GRIK2: variants seen among roughly 807,000 people sequenced by gnomAD.
The protein encoded by GRIK2 is glutamate ionotropic receptor kainate type subunit 2.
A neutral mutation model predicts 100.3 loss-of-function variants in GRIK2; 32 were observed. The ratio of observed to expected loss-of-function variants is 0.32; its 90% CI spans 0.24 to 0.43. The LOEUF (loss-of-function observed/expected upper bound fraction) is 0.43. Ranked by LOEUF, GRIK2 falls within the 20% of genes least tolerant of loss-of-function variation. The pLI is 1.00. For synonymous variants in GRIK2, 417 were observed against 389.4 expected (o/e 1.07, Z -0.83); for missense variants, 843 against 1,114.9 (o/e 0.76, Z 3.47).
intron 14 of GRIK2, among the ~76,000 whole-genome samples, chr6:102,016,444 T>TA (rs1157614284): frequency 3.3e-5 from 5 of 151,440 alleles, no homozygotes; most frequent in Admixed American, 6.6e-5. Context: ...AAAAGAATTT[T>TA]AAAAAAAGAA....
chr6:101,492,679 A>G (rs1773194411), intron 2 of GRIK2, among the ~76,000 whole-genome samples: 1 of 152,040 alleles, frequency 6.6e-6, no homozygotes, highest in South Asian at 2.1e-4. Context: ...CCAGGAAGCC[A>G]TTGAGTACTA....
chr6:101,851,174 A>G lies in GRIK2; in HGVS notation c.1318-8113A>G, dbSNP rs1784107119. On this transcript the variant is annotated intron_variant, in intron 10 of 16. Transcript: ENST00000369134. ...GCAAACCTGTTGAAGACATATATCT[A>G]AGTAGGTTTTTTAATCTCAGAGGGA... Among the ~76,000 whole-genome samples the G allele has an allele frequency of 1.3e-5, 2 of 152,092 alleles. 1 individual carries two copies. The highest frequency in any genetic ancestry group is 4.1e-4 in the South Asian group (2 of 4,830).
At chr6:101,555,821 CAT>C (rs1230919535) in intron 2 of GRIK2, among the ~76,000 whole-genome samples, 3 of 151,978 alleles carry the variant, frequency 2.0e-5, no homozygotes, top group Admixed American at 6.6e-5. Context: ...CAAATAAAAA[CAT>C]AGGTTATGAG....
At chr6:101,431,598 G>A (rs1277995538) in intron 2 of GRIK2, 1 of 152,226 alleles carries the variant, frequency 6.6e-6, no homozygotes, top group African/African-American at 2.4e-5. Context: ...GTTACCTGAT[G>A]TGTGTGTGTT....
At chr6:101,993,035 A>T (rs1562095145) in intron 14 of GRIK2, 1 of 151,648 alleles carries the variant, frequency 6.6e-6, no homozygotes, top group South Asian at 2.1e-4. Flanking sequence ...TATTTATAAG[A>T]CTTTAAAAAT....
chr6:101,562,521 T>C (rs1164944983), intron 2 of GRIK2, among the ~76,000 whole-genome samples: 1 of 151,788 alleles, frequency 6.6e-6, no homozygotes, highest in Non-Finnish European at 1.5e-5. Flanking sequence ...GTAGTTTTTT[T>C]TAGTAGATAT....
At chr6:101,478,527 T>A (rs1327836749) in intron 2 of GRIK2, among the ~76,000 whole-genome samples, 1 of 135,010 alleles carries the variant, frequency 7.4e-6, no homozygotes, top group East Asian at 2.3e-4. Flanking sequence ...TTTTTTTTTT[T>A]AATTGAGATG....
At position 101,570,888 on chromosome 6, in the gene GRIK2, G is replaced by A. The variant is rs139620809; in HGVS notation, c.116-51061G>A. ...ATGATTAATCCTTATTAACTTTTCCGTGAAAATGACATGAAAAGGTAAATT... is the reference window on the plus strand; with the variant it reads ...ATGATTAATCCTTATTAACTTTTCCATGAAAATGACATGAAAAGGTAAATT... On this transcript the variant is annotated intron_variant, in intron 2 of 16. Transcript: ENST00000369134. 3.3e-5 allele frequency among the ~76,000 whole-genome samples: 5 copies of A among 152,206 alleles called. No homozygotes were observed. In the East Asian group the frequency reaches 7.7e-4, roughly 24 times the overall value.
chr6:102,051,127 C>G (rs1771157352), intron 15 of GRIK2, among the ~76,000 whole-genome samples: 1 of 152,166 alleles, frequency 6.6e-6, no homozygotes, highest in Non-Finnish European at 1.5e-5. Flanking sequence ...TTGTATGTCA[C>G]TTGAAACTGC....
chr6:101,715,042 T>C (rs1305990525), intron 7 of GRIK2, among the ~76,000 whole-genome samples: 1 of 151,544 alleles, frequency 6.6e-6, no homozygotes, highest in Non-Finnish European at 1.5e-5. Flanking sequence ...ATTTCCAGGA[T>C]CAGAAAAGGA....
chr6:101,419,252 A>T (rs1776298800), intron 2 of GRIK2, among the ~76,000 whole-genome samples: 1 of 152,138 alleles, frequency 6.6e-6, no homozygotes. Context: ...CCTTTCCAGG[A>T]CCCATTTACA....
intron 2 of GRIK2, among the ~76,000 whole-genome samples, chr6:101,509,297 A>G (rs1774184679): frequency 6.6e-6 from 1 of 152,164 alleles, no homozygotes; most frequent in Non-Finnish European, 1.5e-5. Context: ...AGTGCTAAGT[A>G]GGATTTAAGG....
chr6:101,603,926 G>C (rs890198187), intron 2 of GRIK2, among the ~76,000 whole-genome samples: 10 of 151,418 alleles, frequency 6.6e-5, no homozygotes, highest in African/African-American at 2.4e-4. Context: ...TTTTTTTTAA[G>C]GTTTACAACT....
intron 7 of GRIK2, 93 bp downstream of exon 7, chr6:101,686,446 C>T (rs145411965): frequency 3.1e-5 from 27 of 863,392 alleles, no homozygotes; most frequent in Middle Eastern, 4.7e-4. Context: ...ATATAAACTT[C>T]AGTTTAATTG....
At chr6:101,744,429 T>A (rs2128379757) in intron 7 of GRIK2, among the ~76,000 whole-genome samples, 1 of 150,168 alleles carries the variant, frequency 6.7e-6, no homozygotes, top group African/African-American at 2.4e-5. Flanking sequence ...ATTCCACGAT[T>A]CCATCCAGGT....
intron 7 of GRIK2, among the ~76,000 whole-genome samples, chr6:101,752,802 C>T (rs1316430648): frequency 1.3e-5 from 2 of 152,064 alleles, no homozygotes; most frequent in Admixed American, 6.6e-5. Context: ...TAAGAGTACA[C>T]AGTAAATTCA....
intron 2 of GRIK2, among the ~76,000 whole-genome samples, chr6:101,567,059 G>A (rs180720284): frequency 1.4e-4 from 21 of 151,552 alleles, no homozygotes; most frequent in South Asian, 1.2e-3. Flanking sequence ...AAGCTAGAAA[G>A]CTCTGTAATT....
At chr6:101,431,141 G>A (rs1329974032) in intron 2 of GRIK2, 2 of 244,848 alleles carry the variant, frequency 8.2e-6, no homozygotes, top group Non-Finnish European at 1.8e-5. Flanking sequence ...GAGGAGCCTC[G>A]GGCAGCAGCA....
intron 2 of GRIK2, among the ~76,000 whole-genome samples, chr6:101,542,930 A>G (rs886766485): frequency 6.6e-6 from 1 of 152,164 alleles, no homozygotes; most frequent in Non-Finnish European, 1.5e-5. Flanking sequence ...GGAGGGTAAG[A>G]AAGTACCCTA....
Sources: allele counts gnomAD v4.1 joint callset (sites outside exome capture counted in the v4.1 genomes callset), GRCh38; gene constraint gnomAD v4.1.1; transcripts MANE v1.5; gene names NCBI Gene and HGNC (gene_info 2026-07-23, HGNC 2026-07-21).